The following MAGI2 variants were observed in gnomAD, a reference collection of about 807,000 sequenced individuals.
The protein encoded by MAGI2 is membrane-associated guanylate kinase, WW and PDZ domain-containing protein 2.
MAGI2 carries 35 observed loss-of-function variants against 133.3 expected under a neutral mutation model. That is an observed-to-expected ratio of 0.26 (90% CI 0.20 to 0.35). The LOEUF is 0.35. Among genes scored for constraint, MAGI2 ranks in the 10% least tolerant of loss-of-function variants. The pLI, the probability that MAGI2 is intolerant of heterozygous loss-of-function variation, is 1.00. For synonymous variants in MAGI2, 729 were observed against 710.6 expected, an observed-to-expected ratio of 1.03 and a Z score of -0.41; for missense variants, 1,636 against 1,863.4, an observed-to-expected ratio of 0.88 and a Z score of 2.25.
rs1035520822 is a variant in MAGI2 at position 79,408,823 on chromosome 7, C to A, written c.301+44197G>T. Among the ~76,000 whole-genome samples the A allele has an allele frequency of 3.3e-5, 5 of 151,984 alleles. No homozygotes were observed. The South Asian group carries it at 8.3e-4, about 25-fold the overall frequency. On this transcript the variant is annotated intron_variant, in intron 1 of 21. Coordinates refer to ENST00000354212, the MANE Select transcript of MAGI2 (RefSeq NM_012301.4). The stretch of plus-strand genomic sequence containing the variant: ...CATATAAGGGTTTAAGATGATACTG[C>A]CTCATTTAAAAAGTAAAGATACATC...
At chr7:78,991,030 A>G (rs188989603) in intron 2 of MAGI2, among the ~76,000 whole-genome samples, 1 of 150,908 alleles carries the variant, frequency 6.6e-6, no homozygotes, top group East Asian at 2.0e-4. Flanking sequence ...GTGGGGGGTG[A>G]TTAGATCATG....
chr7:79,026,171 T>C (rs1414149585), intron 1 of MAGI2, among the ~76,000 whole-genome samples: 2 of 152,154 alleles, frequency 1.3e-5, no homozygotes, highest in Admixed American at 1.3e-4. Flanking sequence ...AAATAAAGAA[T>C]ACATAATTAA....
At chr7:78,824,829 G>A (rs1223047724) in intron 2 of MAGI2, among the ~76,000 whole-genome samples, 45 of 152,056 alleles carry the variant, frequency 3.0e-4, no homozygotes, top group Admixed American at 2.7e-3. Flanking sequence ...AGTGCCCATC[G>A]ATGATAGACT....
chr7:79,444,552 T>C (rs1848714738), intron 1 of MAGI2, among the ~76,000 whole-genome samples: 1 of 152,008 alleles, frequency 6.6e-6, no homozygotes, highest in African/African-American at 2.4e-5. Context: ...ATGAGTGAAC[T>C]CCCATTCACA....
chr7:78,844,083 G>A (rs547938366), intron 2 of MAGI2, among the ~76,000 whole-genome samples: 2 of 150,452 alleles, frequency 1.3e-5, no homozygotes, highest in East Asian at 3.9e-4. Flanking sequence ...TCTAATTTCA[G>A]AATTTTTTTT....
chr7:78,344,412 T>C (rs939620606), intron 8 of MAGI2, among the ~76,000 whole-genome samples: 4 of 151,736 alleles, frequency 2.6e-5, no homozygotes, highest in African/African-American at 9.7e-5. Context: ...GAAATAAGGG[T>C]AGAGAAATGA....
chr7:78,116,732 G>C (rs565786065), intron 20 of MAGI2, among the ~76,000 whole-genome samples: 9 of 151,908 alleles, frequency 5.9e-5, no homozygotes, highest in Non-Finnish European at 1.0e-4. Flanking sequence ...AAACAAATCA[G>C]CCAGGTGTGG....
intron 7 of MAGI2, among the ~76,000 whole-genome samples, chr7:78,352,352 T>TATA (rs1791605982): frequency 6.6e-6 from 1 of 152,206 alleles, no homozygotes; most frequent in Non-Finnish European, 1.5e-5. Flanking sequence ...CCTAATGTTT[T>TATA]AAATACGTTA....
intron 1 of MAGI2, among the ~76,000 whole-genome samples, chr7:79,301,240 T>G (rs1397343016): frequency 6.6e-6 from 1 of 152,212 alleles, no homozygotes; most frequent in Non-Finnish European, 1.5e-5. Context: ...GTAGATCCAC[T>G]GGCAGCCTGG....
chr7:79,264,668 G>A (rs532595108), intron 1 of MAGI2, among the ~76,000 whole-genome samples: 37 of 152,068 alleles, frequency 2.4e-4, no homozygotes, highest in Non-Finnish European at 4.0e-4. Flanking sequence ...TTGCTATAAA[G>A]GAATTCCTGA....
chr7:78,589,383 G>T (rs1244935509), intron 3 of MAGI2, among the ~76,000 whole-genome samples: 1 of 152,182 alleles, frequency 6.6e-6, no homozygotes, highest in Non-Finnish European at 1.5e-5. Context: ...GAATGTACAT[G>T]GTTGATAAGT....
In MAGI2 at chr7:78,159,201, G is replaced by A. The variant is rs145219544; in HGVS notation, c.2845+824C>T. ...TTACTCTTTCTCCATCGCAATTCCC[G>A]TCTTGATAAATTGGCTCTGCTAGGC... On this transcript the variant is annotated intron_variant, in intron 16 of 21. Transcript: ENST00000354212. Among the ~76,000 whole-genome samples the A allele has an allele frequency of 7.5e-3, 1,140 of 152,224 alleles. 5 individuals are homozygous for A. Among genetic ancestry groups the A allele is most frequent in the Middle Eastern group, 0.01 (3 of 294 alleles).
At chr7:79,235,179 A>G (rs1164919552) in intron 1 of MAGI2, among the ~76,000 whole-genome samples, 2 of 152,160 alleles carry the variant, frequency 1.3e-5, no homozygotes, top group South Asian at 4.2e-4. Context: ...GTGTTGGGAG[A>G]ACCACTGCTC....
At chr7:78,598,218 G>A (rs1804819637) in intron 3 of MAGI2, among the ~76,000 whole-genome samples, 1 of 152,136 alleles carries the variant, frequency 6.6e-6, no homozygotes, top group Non-Finnish European at 1.5e-5. Context: ...TTCAAGGATT[G>A]TATAGTCTAG....
chr7:78,576,878 T>C (rs1431760898), intron 3 of MAGI2, among the ~76,000 whole-genome samples: 5 of 152,120 alleles, frequency 3.3e-5, no homozygotes, highest in Non-Finnish European at 7.4e-5. Flanking sequence ...GCAGGCGTAT[T>C]ACTTGAAGAC....
chr7:78,853,337 T>TCGTTC (rs1465496529), intron 2 of MAGI2, among the ~76,000 whole-genome samples: 16 of 52,458 alleles, frequency 3.1e-4, no homozygotes, highest in African/African-American at 1.3e-3. Context: ...TCGTTCTTTT[T>TCGTTC]TTTTTTTTTT....
intron 1 of MAGI2, among the ~76,000 whole-genome samples, chr7:79,025,413 C>T (rs1463410292): frequency 6.6e-6 from 1 of 152,122 alleles, no homozygotes; most frequent in East Asian, 1.9e-4. Context: ...TGCTTATTAC[C>T]TGGGTGATGA....
At chr7:78,594,463 T>G (rs1260176995) in intron 3 of MAGI2, among the ~76,000 whole-genome samples, 1 of 152,074 alleles carries the variant, frequency 6.6e-6, no homozygotes, top group Non-Finnish European at 1.5e-5. Context: ...TCTATTTTTT[T>G]TGTTGTTTTT....
At chr7:78,839,456 T>C (rs1791936324) in intron 2 of MAGI2, among the ~76,000 whole-genome samples, 1 of 152,112 alleles carries the variant, frequency 6.6e-6, no homozygotes, top group Non-Finnish European at 1.5e-5. Flanking sequence ...TGCTACATAT[T>C]AATCCCTTTT....
Sources: allele counts gnomAD v4.1 joint callset (sites outside exome capture counted in the v4.1 genomes callset), GRCh38; gene constraint gnomAD v4.1.1; transcripts MANE v1.5; gene names NCBI Gene and HGNC (gene_info 2026-07-23, HGNC 2026-07-21).